The following CPEB3 variants were observed in gnomAD, a reference collection of about 807,000 sequenced individuals.
The protein encoded by CPEB3 is cytoplasmic polyadenylation element-binding protein 3.
In CPEB3, 20 loss-of-function variants were observed where a neutral mutation model predicts 67.2. The observed-to-expected ratio is 0.30, with a 90% CI of 0.21 to 0.43. The LOEUF (loss-of-function observed/expected upper bound fraction) is 0.43, where lower values mean the gene tolerates loss of function less well. Among genes scored for constraint, CPEB3 ranks in the 20% least tolerant of loss-of-function variants. The probability of loss-of-function intolerance (pLI) is 1.00; values close to 1 mark genes in which losing one functional copy is unlikely to be tolerated. For missense variants in CPEB3, 746 were observed against 968.6 expected (o/e 0.77, Z 3.05); for synonymous variants, 376 against 393.1 (o/e 0.96, Z 0.51).
At chr10:92,127,811 G>A (rs1845671095) in intron 6 of CPEB3, among the ~76,000 whole-genome samples, 1 of 152,194 alleles carries the variant, frequency 6.6e-6, no homozygotes, top group African/African-American at 2.4e-5. Flanking sequence ...GGGTAAGGGA[G>A]AGAATGATAG....
intron 4 of CPEB3, among the ~76,000 whole-genome samples, chr10:92,173,577 A>G (rs1448144993): frequency 6.6e-6 from 1 of 152,156 alleles, no homozygotes; most frequent in African/African-American, 2.4e-5. Context: ...AATAATAATA[A>G]TAATAATGTA....
chr10:92,218,929 C>CTA (rs1850568412), intron 2 of CPEB3, among the ~76,000 whole-genome samples: 1 of 152,204 alleles, frequency 6.6e-6, no homozygotes, highest in Admixed American at 6.5e-5. Flanking sequence ...GAACATAGAC[C>CTA]TATAGTGCAT....
intron 1 of CPEB3, among the ~76,000 whole-genome samples, chr10:92,270,416 T>TACC (rs1853253733): frequency 6.6e-6 from 1 of 152,000 alleles, no homozygotes. Context: ...AAGGAGGTGA[T>TACC]ACATTCATGA....
chr10:92,258,663 T>C (rs1304560503), intron 1 of CPEB3, among the ~76,000 whole-genome samples: 5 of 102,164 alleles, frequency 4.9e-5, no homozygotes, highest in Admixed American at 1.1e-4. Context: ...TATATATATA[T>C]ATATATATAT....
chr10:92,200,778 A>T (rs928758877), intron 2 of CPEB3, among the ~76,000 whole-genome samples: 4 of 151,722 alleles, frequency 2.6e-5, no homozygotes, highest in South Asian at 2.1e-4. Flanking sequence ...ACATGACTCA[A>T]CTTGAAGCAC....
chr10:92,147,504 C>T (rs1017493711), intron 4 of CPEB3, among the ~76,000 whole-genome samples: 5 of 151,962 alleles, frequency 3.3e-5, no homozygotes, highest in African/African-American at 1.2e-4. Flanking sequence ...GTTAAAGGAA[C>T]CCTTTACCAT....
At chr10:92,288,292 T>C (rs1001257658) in intron 1 of CPEB3, among the ~76,000 whole-genome samples, 1 of 151,912 alleles carries the variant, frequency 6.6e-6, no homozygotes, top group African/African-American at 2.4e-5. Flanking sequence ...AAACACCATC[T>C]CTACAAAAAA....
chr10:92,071,070 T>TACACACACAC (rs58497259), intron 9 of CPEB3, among the ~76,000 whole-genome samples: 105 of 147,718 alleles, frequency 7.1e-4, no homozygotes, highest in African/African-American at 2.5e-3. Flanking sequence ...CACTTTCATT[T>TACACACACAC]ACACACACAC....
Position 92,240,297 on chromosome 10 carries a change from C to T in CPEB3, c.54G>A (p.Gln18=), listed in dbSNP as rs769133875. The change falls in exon 2 of 10, where the codon CAG becomes CAA. Residue 18 remains glutamine (Q), a synonymous_variant. Coordinates refer to ENST00000265997, the MANE Select transcript of CPEB3 (RefSeq NM_014912.5). ...DKSKTQPQPQ[Q]QQRQQQQPQP... ...GGGGCTGCTGCTGCTGCCGCTGCTG[C>T]TGCTGGGGCTGGGGCTGGGTTTTGC... The T allele has an allele frequency of 1.3e-6, 2 of 1,515,810 alleles. No homozygotes were observed. Among genetic ancestry groups the T allele is most frequent in the Non-Finnish European group, 8.8e-7 (1 of 1,131,060 alleles). 93.9% of individuals were successfully genotyped at this position (1,515,810 alleles called of 1,614,324 possible). A position where few individuals can be genotyped will look rare whatever the true frequency, so the allele number is the denominator to read the frequency against.
At chr10:92,285,396 G>A (rs1009134852) in intron 1 of CPEB3, among the ~76,000 whole-genome samples, 4 of 152,178 alleles carry the variant, frequency 2.6e-5, no homozygotes, top group East Asian at 1.9e-4. Flanking sequence ...TCAGCCTCCC[G>A]AGTAGCTGGG....
chr10:92,083,715 G>A (rs1053284812), intron 8 of CPEB3, among the ~76,000 whole-genome samples: 1 of 152,162 alleles, frequency 6.6e-6, no homozygotes, highest in Non-Finnish European at 1.5e-5. Context: ...CCTGGTGAAT[G>A]GCCAGGAAAA....
chr10:92,192,720 GATGA>G (rs1251859021), intron 2 of CPEB3, 84 bp from the exon 3 acceptor site: 10 of 1,035,010 alleles, frequency 9.7e-6, no homozygotes, highest in Admixed American at 2.9e-5. Context: ...GCTGTGGATT[GATGA>G]CATGAATGAA....
At chr10:92,124,574 A>G (rs1845528624) in intron 6 of CPEB3, among the ~76,000 whole-genome samples, 1 of 151,348 alleles carries the variant, frequency 6.6e-6, no homozygotes, top group South Asian at 2.1e-4. Context: ...ATAAATCACC[A>G]AACAGTGTGA....
rs373387612 is a variant in CPEB3, at chr10:92,277,805, C to T, written c.-12+13121G>A. Among the ~76,000 whole-genome samples, 51 of 151,598 alleles carry T rather than the reference C, an allele frequency of 3.4e-4. No homozygotes were observed. The East Asian group carries it at 5.8e-3, about 17-fold the overall frequency. The stretch of plus-strand genomic sequence containing the variant: ...ACTCGGGAGGCTGAGGCAGGAGAAT[C>T]GCTTGAACGCGGGAGGTGGAGGTTG... On this transcript the variant is annotated intron_variant, in intron 1 of 9. Transcript: ENST00000265997.
At chr10:92,170,176 C>T (rs1329587449) in intron 4 of CPEB3, among the ~76,000 whole-genome samples, 2 of 152,142 alleles carry the variant, frequency 1.3e-5, no homozygotes, top group African/African-American at 4.8e-5. Flanking sequence ...ATTCTTCTTC[C>T]TGTCTTGTAC....
In CPEB3 at chr10:92,089,676, G is replaced by A. The variant is rs565543201; in HGVS notation, c.1687+2154C>T. ...TGTGCGCCTGTAGTCCCAACTACTC[G>A]TGAAGCTGAGGCAGGAGAATCTCTT... On this transcript the variant is annotated intron_variant, in intron 8 of 9. Coordinates refer to ENST00000265997, the MANE Select transcript of CPEB3 (RefSeq NM_014912.5). Among the ~76,000 whole-genome samples, 9 of 152,138 alleles carry A rather than the reference G, an allele frequency of 5.9e-5. No individual in the cohort carries two copies. The South Asian group carries it at 1.5e-3, about 25-fold the overall frequency.
intron 6 of CPEB3, chr10:92,138,291 C>G (rs1196131636): frequency 4.5e-6 from 1 of 220,032 alleles, no homozygotes; most frequent in Admixed American, 4.1e-5. Context: ...CAGAAGAAGA[C>G]AAGAGGACTC....
At chr10:92,279,091 A>G (rs982718088) in intron 1 of CPEB3, among the ~76,000 whole-genome samples, 1 of 152,162 alleles carries the variant, frequency 6.6e-6, no homozygotes, top group Non-Finnish European at 1.5e-5. Context: ...AGAGGATGTA[A>G]GAGGACATAT....
intron 1 of CPEB3, among the ~76,000 whole-genome samples, chr10:92,271,958 A>AT (rs1431025843): frequency 1.3e-5 from 2 of 152,086 alleles, no homozygotes; most frequent in Non-Finnish European, 2.9e-5. Flanking sequence ...TCCTCCCCTA[A>AT]TTTATTCATT....
Sources: allele counts gnomAD v4.1 joint callset (sites outside exome capture counted in the v4.1 genomes callset), GRCh38; gene constraint gnomAD v4.1.1; transcripts MANE v1.5; gene names NCBI Gene and HGNC (gene_info 2026-07-23, HGNC 2026-07-21).